The following WDR19 variants were observed in gnomAD, a reference collection of about 807,000 sequenced individuals.
WDR19 encodes WD repeat domain 19.
WDR19 carries 121 observed loss-of-function variants against 180.0 expected under a neutral mutation model. The observed-to-expected ratio is 0.67, with a 90% CI of 0.58 to 0.78. The LOEUF (loss-of-function observed/expected upper bound fraction) is 0.78. Ranked by LOEUF, WDR19 falls within the 30% of genes least tolerant of loss-of-function variation. The pLI is 0.00. For synonymous variants in WDR19, 497 were observed against 540.7 expected, an observed-to-expected ratio of 0.92 and a Z score of 1.12; for missense variants, 1,450 against 1,640.7, an observed-to-expected ratio of 0.88 and a Z score of 2.01.
chr4:39,243,528 G>T (rs1222428921), intron 21 of WDR19, among the ~76,000 whole-genome samples: 1 of 151,700 alleles, frequency 6.6e-6, no homozygotes, highest in African/African-American at 2.4e-5. Flanking sequence ...TCTTTGTCTG[G>T]CTACATCAAT....
At chr4:39,254,368 T>A (rs996699159) in intron 26 of WDR19, among the ~76,000 whole-genome samples, 2 of 152,202 alleles carry the variant, frequency 1.3e-5, no homozygotes, top group Non-Finnish European at 2.9e-5. Context: ...TGCAAGATGA[T>A]TTTTGAAAAT....
At chr4:39,205,760 A>G (rs1321625288) in intron 9 of WDR19, 24 bp downstream of exon 9, 2 of 1,559,920 alleles carry the variant, frequency 1.3e-6, no homozygotes, top group Non-Finnish European at 1.7e-6. Flanking sequence ...ACATATTTTT[A>G]GGAAAGCTTA....
intron 28 of WDR19, among the ~76,000 whole-genome samples, chr4:39,258,967 C>T (rs1734017280): frequency 6.6e-6 from 1 of 152,126 alleles, no homozygotes; most frequent in South Asian, 2.1e-4. Context: ...ACTTCAGAGG[C>T]TGAGGCAGGA....
chr4:39,229,855 C>T (rs1730657658), intron 17 of WDR19, among the ~76,000 whole-genome samples: 3 of 152,270 alleles, frequency 2.0e-5, no homozygotes, highest in South Asian at 2.1e-4. Context: ...CTGAACTCAT[C>T]AATTTCCACA....
Position 39,204,773 on chromosome 4 carries a change from G to C in WDR19, c.604-381G>C, listed in dbSNP as rs533985130. Among the ~76,000 whole-genome samples, 5 of 152,224 alleles carry C rather than the reference G, an allele frequency of 3.3e-5. No homozygotes were observed. In the South Asian group the frequency reaches 1.0e-3, roughly 32 times the overall value. On this transcript the variant is annotated intron_variant, in intron 7 of 36. Coordinates refer to ENST00000399820, the MANE Select transcript of WDR19 (RefSeq NM_025132.4). ...GGAGTGTGGACCTATAATCCCAAATGGCTCAAGAGCAGAACAGCCTCTTAG... is the reference window on the plus strand; with the variant it reads ...GGAGTGTGGACCTATAATCCCAAATCGCTCAAGAGCAGAACAGCCTCTTAG...
intron 24 of WDR19, among the ~76,000 whole-genome samples, chr4:39,249,075 A>G (rs1732849247): frequency 6.6e-6 from 1 of 152,024 alleles, no homozygotes. Context: ...CTATTCCAAA[A>G]TTGACCACAT....
chr4:39,244,565 T>TG lies in WDR19; in HGVS notation c.2645+14dup, dbSNP rs1560531996. The TG allele has an allele frequency of 6.2e-7, 1 of 1,613,788 alleles. No individual in the cohort carries two copies. The highest frequency in any genetic ancestry group is 1.3e-5 in the African/African-American group (1 of 74,948). ...GCTCTAAGAATTGGTAAGAGCTGCCTGCGGTTTGTTTCTGAACAGGATTGG... is the reference window on the plus strand; with the variant it reads ...GCTCTAAGAATTGGTAAGAGCTGCCTGGCGGTTTGTTTCTGAACAGGATTGG... On this transcript the variant is annotated intron_variant, in intron 23 of 36. Coordinates refer to ENST00000399820, the MANE Select transcript of WDR19 (RefSeq NM_025132.4).
chr4:39,238,880 A>G (rs1731625989), intron 20 of WDR19, among the ~76,000 whole-genome samples: 1 of 152,174 alleles, frequency 6.6e-6, no homozygotes, highest in South Asian at 2.1e-4. Flanking sequence ...CAAATCACTG[A>G]TTCATTCTAT....
intron 32 of WDR19, chr4:39,273,357 T>C: frequency 2.6e-6 from 1 of 379,062 alleles, no homozygotes; most frequent in Non-Finnish European, 4.7e-6. Flanking sequence ...GGCACGGACC[T>C]CCAAGAGTCC....
At chr4:39,216,325 C>G in intron 12 of WDR19, 115 bp downstream of exon 12, 1 of 839,976 alleles carries the variant, frequency 1.2e-6, no homozygotes, top group Non-Finnish European at 1.8e-6. Context: ...ATTCACATAT[C>G]TCATTCTTAG....
intron 14 of WDR19, chr4:39,218,984 G>C (rs1480742722): frequency 6.6e-6 from 1 of 152,116 alleles, no homozygotes; most frequent in African/African-American, 2.4e-5. Flanking sequence ...TCCGCATCTT[G>C]TCCCACTGAA....
chr4:39,199,238 A>T (rs1727118730), intron 5 of WDR19, among the ~76,000 whole-genome samples: 1 of 152,218 alleles, frequency 6.6e-6, no homozygotes, highest in African/African-American at 2.4e-5. Context: ...CAAGGAGCAG[A>T]ATATCTTTTT....
intron 30 of WDR19, among the ~76,000 whole-genome samples, chr4:39,269,585 C>T (rs1735145019): frequency 6.6e-6 from 1 of 152,176 alleles, no homozygotes; most frequent in Admixed American, 6.5e-5. Flanking sequence ...ATGGCTCATG[C>T]CTGTAATCCC....
intron 28 of WDR19, among the ~76,000 whole-genome samples, chr4:39,258,123 T>G (rs1358242414): frequency 6.6e-6 from 1 of 152,054 alleles, no homozygotes; most frequent in Non-Finnish European, 1.5e-5. Flanking sequence ...TATGCAAATG[T>G]GTCCGTTTGT....
chr4:39,228,567 G>C lies in WDR19; in HGVS notation c.1859G>C (p.Cys620Ser). Residue 620 changes from cysteine (C) to serine (S), a missense_variant, in exon 17 of 37, where the codon TGC becomes TCC. Physicochemically the swap from Cys to Ser is moderately radical, Grantham distance 112. Coordinates refer to ENST00000399820, the MANE Select transcript of WDR19 (RefSeq NM_025132.4). ...PLLLYNGELT[C>S]QTQSGKVNNI... ...CTGCTATATAATGGAGAGCTGACCT[G>C]CCAAACACAGAGTGGAAAAGTAAAC... The C allele has an allele frequency of 6.2e-7, 1 of 1,613,904 alleles. No individual in the cohort carries two copies. Among genetic ancestry groups the C allele is most frequent in the Non-Finnish European group, 8.5e-7 (1 of 1,179,818 alleles).
chr4:39,191,453 C>A (rs1726141571), intron 4 of WDR19, among the ~76,000 whole-genome samples: 1 of 152,136 alleles, frequency 6.6e-6, no homozygotes, highest in Non-Finnish European at 1.5e-5. Flanking sequence ...CAAAACCTAT[C>A]CAAATGTAAT....
chr4:39,257,680 C>A, intron 28 of WDR19, 126 bp downstream of exon 28: 3 of 786,184 alleles, frequency 3.8e-6, no homozygotes, highest in South Asian at 1.9e-5. Flanking sequence ...TATCGTGTAA[C>A]TTCAACAGCT....
At chr4:39,214,567 A>G (rs373441569) in intron 9 of WDR19, 34 bp from the exon 10 acceptor site, 1 of 1,253,250 alleles carries the variant, frequency 8.0e-7, no homozygotes. Flanking sequence ...TAAAGATCAT[A>G]TATATTTTTT....
chr4:39,273,916 A>G (rs1387397492), intron 32 of WDR19: 2 of 152,180 alleles, frequency 1.3e-5, no homozygotes, highest in Non-Finnish European at 2.9e-5. Context: ...AGGGATCAGC[A>G]AACTTTTTCT....
Sources: gnomAD v4.1 joint callset for allele counts (sites outside exome capture counted in the v4.1 genomes callset) on GRCh38, gnomAD v4.1.1 for gene constraint, MANE v1.5 for transcripts, NCBI Gene and HGNC (gene_info 2026-07-23, HGNC 2026-07-21) for gene names.